The following RFX3 variants were observed in gnomAD, a reference collection of about 807,000 sequenced individuals.
RFX3 encodes the protein regulatory factor X3.
A neutral mutation model predicts 98.6 loss-of-function variants in RFX3; 14 were observed. The observed-to-expected ratio is 0.14, with a 90% CI of 0.09 to 0.22. The LOEUF is 0.22. Ranked by LOEUF, RFX3 falls within the 10% of genes least tolerant of loss-of-function variation. The pLI is 1.00. For missense variants in RFX3, 639 were observed against 926.9 expected (o/e 0.69, Z 4.03); for synonymous variants, 383 against 328.4 (o/e 1.17, Z -1.80).
chr9:3,511,764 G>C (rs754667734), intron 1 of RFX3, among the ~76,000 whole-genome samples: 1 of 152,026 alleles, frequency 6.6e-6, no homozygotes, highest in Non-Finnish European at 1.5e-5. Context: ...ATGGGCTACT[G>C]TCCCTGGACT....
chr9:3,309,912 A>C (rs1173567022), intron 4 of RFX3, among the ~76,000 whole-genome samples: 1 of 152,166 alleles, frequency 6.6e-6, no homozygotes, highest in Non-Finnish European at 1.5e-5. Context: ...AGGAGACGGA[A>C]TGATCCCAGA....
At chr9:3,439,699 A>G (rs1845458851) in intron 1 of RFX3, among the ~76,000 whole-genome samples, 1 of 152,154 alleles carries the variant, frequency 6.6e-6, no homozygotes, top group Non-Finnish European at 1.5e-5. Context: ...TCTACCAAAC[A>G]TTTAAAGAAT....
chr9:3,353,579 A>G (rs3012677), intron 2 of RFX3, among the ~76,000 whole-genome samples: 43,183 of 151,942 alleles, frequency 0.28, 11,223 homozygotes, highest in African/African-American at 0.7. Flanking sequence ...TACCAGAAGG[A>G]GTAAAGCCTT....
rs148522066 is a variant in RFX3, at chr9:3,348,631, C to A, written c.118-1867G>T. ...GGAAAAATAGGATAAGTACATGATT[C>A]TTTTTATATTACAGTACTGAAAATG... On this transcript the variant is annotated intron_variant, in intron 2 of 16. Coordinates refer to ENST00000617270, the MANE Select transcript of RFX3 (RefSeq NM_001282116.2). Among the ~76,000 whole-genome samples, 1,446 of 151,966 alleles carry A rather than the reference C, an allele frequency of 9.5e-3. 7 individuals carry two copies. The highest frequency in any genetic ancestry group is 0.013 in the African/African-American group (542 of 41,464).
chr9:3,473,583 T>A (rs1848967418), intron 1 of RFX3, among the ~76,000 whole-genome samples: 1 of 152,154 alleles, frequency 6.6e-6, no homozygotes, highest in Non-Finnish European at 1.5e-5. Flanking sequence ...ACATTGTTCA[T>A]TTCCTCTTTA....
chr9:3,431,686 C>T (rs1844669240), intron 1 of RFX3, among the ~76,000 whole-genome samples: 1 of 152,062 alleles, frequency 6.6e-6, no homozygotes, highest in Admixed American at 6.6e-5. Context: ...TGATCTAAAG[C>T]TGGAGAATTT....
chr9:3,392,408 G>A (rs1840407058), intron 2 of RFX3, among the ~76,000 whole-genome samples: 1 of 149,720 alleles, frequency 6.7e-6, no homozygotes, highest in Non-Finnish European at 1.5e-5. Flanking sequence ...TTACGAAAAG[G>A]AACACATAGG....
intron 6 of RFX3, among the ~76,000 whole-genome samples, 160 bp downstream of exon 6, chr9:3,292,917 T>C (rs1827571198): frequency 6.6e-6 from 1 of 152,226 alleles, no homozygotes; most frequent in Non-Finnish European, 1.5e-5. Flanking sequence ...AGTCACTGAA[T>C]AATGTCCTTT....
At chr9:3,484,485 ATGAGAGCTGATTAACCATAAAT>A (rs1170225057) in intron 1 of RFX3, among the ~76,000 whole-genome samples, 2 of 152,214 alleles carry the variant, frequency 1.3e-5, no homozygotes, top group African/African-American at 4.8e-5. Flanking sequence ...ATAAAACAAA[ATGAGAGCTGATTAACCATAAAT>A]TGCAAGAAAA....
intron 1 of RFX3, among the ~76,000 whole-genome samples, chr9:3,504,341 G>A (rs182572705): frequency 0.11 from 11,877 of 105,800 alleles, 2,461 homozygotes; most frequent in East Asian, 0.37. Context: ...TATATTATAT[G>A]CCACATAGCA....
At chr9:3,460,725 GTAGT>G (rs966682164) in intron 1 of RFX3, among the ~76,000 whole-genome samples, 1 of 151,544 alleles carries the variant, frequency 6.6e-6, no homozygotes. Context: ...CCAGGCTTAG[GTAGT>G]TATAGGCTAC....
At position 3,394,021 on chromosome 9, in the gene RFX3, C is replaced by G. The variant is rs149115900; in HGVS notation, c.117+1451G>C. On this transcript the variant is annotated intron_variant, in intron 2 of 16. Coordinates refer to ENST00000617270, the MANE Select transcript of RFX3 (RefSeq NM_001282116.2). Reference sequence around the variant, plus strand: ...ATATGCTTAAAAGAAATAAAAGGAACATAAGCAATAGATTGAAACATGTAA... The same window carrying G: ...ATATGCTTAAAAGAAATAAAAGGAAGATAAGCAATAGATTGAAACATGTAA... 5.0e-3 allele frequency among the ~76,000 whole-genome samples: 762 copies of G among 152,148 alleles called. 9 individuals carry two copies. The highest frequency in any genetic ancestry group is 7.0e-3 in the Admixed American group (107 of 15,292).
chr9:3,243,955 G>C (rs777083029), intron 15 of RFX3, among the ~76,000 whole-genome samples: 8 of 152,062 alleles, frequency 5.3e-5, no homozygotes, highest in Non-Finnish European at 7.4e-5. Flanking sequence ...CCTTGGGCAA[G>C]TTACTTTTTG....
At chr9:3,405,568 A>T (rs1360937293) in intron 1 of RFX3, among the ~76,000 whole-genome samples, 3 of 152,188 alleles carry the variant, frequency 2.0e-5, no homozygotes, top group Non-Finnish European at 2.9e-5. Context: ...CAATGAATTC[A>T]AATTCTACTG....
At position 3,361,496 on chromosome 9, in the gene RFX3, T is replaced by C. The variant is rs369802690; in HGVS notation, c.118-14732A>G. Reference sequence around the variant, plus strand: ...GAAATCATAAACCTGAAAACAGCTTTTTCAGTCTTGGTTAAAAGTAGGCAC... The same window carrying C: ...GAAATCATAAACCTGAAAACAGCTTCTTCAGTCTTGGTTAAAAGTAGGCAC... On this transcript the variant is annotated intron_variant, in intron 2 of 16. Transcript: ENST00000617270. 1.8e-4 allele frequency among the ~76,000 whole-genome samples: 27 copies of C among 151,898 alleles called. 1 individual carries two copies. The East Asian group carries it at 5.0e-3, about 28-fold the overall frequency.
chr9:3,355,860 C>T (rs1049934077), intron 2 of RFX3, among the ~76,000 whole-genome samples: 7 of 151,708 alleles, frequency 4.6e-5, no homozygotes, highest in East Asian at 1.9e-4. Context: ...ACATTAAATT[C>T]GAAATCGAGG....
intron 4 of RFX3, among the ~76,000 whole-genome samples, chr9:3,310,645 A>G (rs1829854648): frequency 6.6e-6 from 1 of 152,198 alleles, no homozygotes; most frequent in South Asian, 2.1e-4. Flanking sequence ...GTAAAATAGT[A>G]AAGGTAAGGA....
At chr9:3,338,338 G>C (rs1299030360) in intron 3 of RFX3, among the ~76,000 whole-genome samples, 1 of 152,132 alleles carries the variant, frequency 6.6e-6, no homozygotes, top group East Asian at 1.9e-4. Context: ...CTACTGGGGA[G>C]GAAATGCAAG....
intron 3 of RFX3, among the ~76,000 whole-genome samples, chr9:3,333,229 C>A (rs1832793431): frequency 6.6e-6 from 1 of 152,270 alleles, no homozygotes; most frequent in East Asian, 1.9e-4. Context: ...TGCTAAACTA[C>A]TCCAAGATTT....
Sources: allele counts gnomAD v4.1 joint callset (sites outside exome capture counted in the v4.1 genomes callset), GRCh38; gene constraint gnomAD v4.1.1; transcripts MANE v1.5; gene names NCBI Gene and HGNC (gene_info 2026-07-23, HGNC 2026-07-21).